The following NCOA3 variants were observed in gnomAD, a reference collection of about 807,000 sequenced individuals.
NCOA3 encodes nuclear receptor coactivator 3.
In NCOA3, 51 loss-of-function variants were observed where a neutral mutation model predicts 158.8. That is an observed-to-expected ratio of 0.32 (90% CI 0.26 to 0.41). The LOEUF is 0.41. Ranked by LOEUF, NCOA3 falls within the 10% of genes least tolerant of loss-of-function variation. NCOA3 has a pLI of 1.00. For synonymous variants in NCOA3, 537 were observed against 592.4 expected, an observed-to-expected ratio of 0.91 and a Z score of 1.36; for missense variants, 1,510 against 1,746.6, an observed-to-expected ratio of 0.86 and a Z score of 2.41.
intron 1 of NCOA3, among the ~76,000 whole-genome samples, chr20:47,534,295 T>C (rs920885340): frequency 2.0e-5 from 3 of 151,736 alleles, no homozygotes; most frequent in Non-Finnish European, 4.4e-5. Context: ...ATTTATTTGC[T>C]CTATAGAGAA....
At chr20:47,569,171 C>T (rs940314862) in intron 1 of NCOA3, among the ~76,000 whole-genome samples, 6 of 152,006 alleles carry the variant, frequency 3.9e-5, no homozygotes, top group Non-Finnish European at 1.5e-5. Flanking sequence ...CATAGCAAGA[C>T]CCCATCTCTA....
chr20:47,593,210 G>A (rs2085678059), intron 2 of NCOA3, among the ~76,000 whole-genome samples: 1 of 151,960 alleles, frequency 6.6e-6, no homozygotes, highest in Admixed American at 6.6e-5. Context: ...TGGGACTACA[G>A]GCCTGAGCCA....
chr20:47,537,843 A>G (rs2084659969), intron 1 of NCOA3, among the ~76,000 whole-genome samples: 3 of 152,054 alleles, frequency 2.0e-5, no homozygotes, highest in South Asian at 2.1e-4. Flanking sequence ...CGGCCTCCCA[A>G]AGTGCTAGGA....
chr20:47,556,410 A>G (rs975642968), intron 1 of NCOA3, among the ~76,000 whole-genome samples: 3 of 152,234 alleles, frequency 2.0e-5, no homozygotes, highest in Admixed American at 1.3e-4. Context: ...CTGAAAGAAT[A>G]TAGAGTAGAA....
At chr20:47,504,478 CTTTTTT>C (rs58220390) in intron 1 of NCOA3, among the ~76,000 whole-genome samples, 3 of 98,686 alleles carry the variant, frequency 3.0e-5, no homozygotes, top group African/African-American at 1.1e-4. Flanking sequence ...CTAAGTGTGT[CTTTTTT>C]TTTTTTTTTT....
intron 1 of NCOA3, among the ~76,000 whole-genome samples, chr20:47,525,068 G>A (rs1007247893): frequency 4.1e-5 from 6 of 147,572 alleles, no homozygotes; most frequent in Non-Finnish European, 7.5e-5. Flanking sequence ...TTCCTAGGCA[G>A]AGGACCCTGC....
chr20:47,544,456 A>G (rs1000009035), intron 1 of NCOA3, among the ~76,000 whole-genome samples: 1 of 151,250 alleles, frequency 6.6e-6, no homozygotes, highest in African/African-American at 2.4e-5. Context: ...GACCACAGGC[A>G]TGTGTCAGCA....
intron 10 of NCOA3, 63 bp downstream of exon 10, chr20:47,634,258 A>G: frequency 2.7e-6 from 4 of 1,502,596 alleles, no homozygotes; most frequent in East Asian, 2.3e-5. Flanking sequence ...ATGCTTTATT[A>G]TTAAAGTAAA....
intron 1 of NCOA3, among the ~76,000 whole-genome samples, chr20:47,516,010 A>G (rs1206659439): frequency 6.6e-6 from 1 of 152,206 alleles, no homozygotes; most frequent in African/African-American, 2.4e-5. Context: ...CACTAGAAAG[A>G]TCAGTGGTTG....
chr20:47,505,160 C>T (rs1372526386), intron 1 of NCOA3, among the ~76,000 whole-genome samples: 2 of 144,496 alleles, frequency 1.4e-5, no homozygotes, highest in South Asian at 2.2e-4. Flanking sequence ...CTCCTGGGTT[C>T]AAGCAATTCT....
chr20:47,541,765 T>C (rs1201039272), intron 1 of NCOA3, among the ~76,000 whole-genome samples: 1 of 151,882 alleles, frequency 6.6e-6, no homozygotes, highest in Non-Finnish European at 1.5e-5. Context: ...TACAACTGTC[T>C]TTCATAAAAA....
intron 16 of NCOA3, among the ~76,000 whole-genome samples, chr20:47,641,562 G>A (rs376194814): frequency 3.0e-5 from 4 of 133,578 alleles, no homozygotes; most frequent in South Asian, 2.4e-4. Context: ...GTGCAGTGGC[G>A]CAATCTCGGA....
At chr20:47,526,053 T>G (rs1402655534) in intron 1 of NCOA3, among the ~76,000 whole-genome samples, 1 of 141,848 alleles carries the variant, frequency 7.0e-6, no homozygotes, top group African/African-American at 2.7e-5. Flanking sequence ...ACGGGGCGGT[T>G]GCCAGGCAGA....
chr20:47,597,389 G>A (rs1015479981), intron 2 of NCOA3, among the ~76,000 whole-genome samples: 1 of 151,036 alleles, frequency 6.6e-6, no homozygotes, highest in African/African-American at 2.4e-5. Context: ...TGATCTTAAG[G>A]CTCTCTGGTC....
intron 1 of NCOA3, among the ~76,000 whole-genome samples, chr20:47,521,955 T>C (rs2084341463): frequency 6.6e-6 from 1 of 152,194 alleles, no homozygotes; most frequent in South Asian, 2.1e-4. Context: ...TGTGATTGCA[T>C]TGAATCGGTT....
intron 2 of NCOA3, among the ~76,000 whole-genome samples, chr20:47,621,654 A>ATTTTTTTTTTTTT (rs749582388): frequency 0.028 from 3,346 of 119,296 alleles, 379 homozygotes; most frequent in African/African-American, 0.096. Context: ...CATCAGTCAA[A>ATTTTTTTTTTTTT]TTTTTTTTTT....
At chr20:47,540,185 T>C (rs1200315014) in intron 1 of NCOA3, among the ~76,000 whole-genome samples, 1 of 152,166 alleles carries the variant, frequency 6.6e-6, no homozygotes, top group African/African-American at 2.4e-5. Flanking sequence ...ATGTCAACTT[T>C]GGCTTGAAGA....
rs772218514 is a variant in NCOA3 at position 47,636,026 on chromosome 20, A to T, written c.1640A>T (p.Lys547Ile). The change falls in exon 12 of 23, where the codon AAA becomes ATA. Residue 547 changes from lysine to isoleucine, a missense_variant. Lys to Ile is a moderately radical substitution (Grantham distance 102). This residue lies in a region of NCOA3 where 1,017 missense variants were observed against 1,098.3 expected (regional missense o/e 0.93). Transcript: ENST00000371998. Reference sequence around the variant, plus strand: ...TCTACTCTGTCATCACCAGGCCCCAAATTGGATAACTCTCCCAATATGAAT... The same window carrying T: ...TCTACTCTGTCATCACCAGGCCCCATATTGGATAACTCTCCCAATATGAAT... The part of the protein sequence containing the change: ...LLSTLSSPGP[K>I]LDNSPNMNIT... 2 of 1,614,102 alleles carry T rather than the reference A, an allele frequency of 1.2e-6. No individual in the cohort carries two copies. The highest frequency in any genetic ancestry group is 1.7e-6 in the Non-Finnish European group (2 of 1,180,014).
Position 47,561,480 on chromosome 20 carries a change from T to C in NCOA3, c.-98-21703T>C, listed in dbSNP as rs944204080. 2.0e-5 allele frequency among the ~76,000 whole-genome samples: 3 copies of C among 151,682 alleles called. No individual in the cohort carries two copies. The South Asian group carries it at 6.2e-4, about 32-fold the overall frequency. On this transcript the variant is annotated intron_variant, in intron 1 of 22. Transcript: ENST00000371998. ...GCACACCCAGCTAATTTTTTTTCTT[T>C]TTCTTTTTTTTTTTATTTCATAGAG...
Sources: gnomAD v4.1 joint callset for allele counts (sites outside exome capture counted in the v4.1 genomes callset) on GRCh38, gnomAD v4.1.1 for gene constraint, gnomAD v4.1.1 regional missense constraint, MANE v1.5 for transcripts, NCBI Gene and HGNC (gene_info 2026-07-23, HGNC 2026-07-21) for gene names.